Variants in LHFPL6 observed in about 807,000 individuals in gnomAD.
The protein encoded by LHFPL6 is LHFPL tetraspan subfamily member 6.
LHFPL6 carries 9 observed loss-of-function variants against 20.6 expected under a neutral mutation model. The observed-to-expected ratio is 0.44, with a 90% confidence interval of 0.26 to 0.76. The LOEUF is 0.76. LHFPL6 is among the 30% of genes least tolerant of loss of function. LHFPL6 has a pLI of 0.20. For synonymous variants in LHFPL6, 105 were observed against 98.7 expected, an observed-to-expected ratio of 1.06 and a Z score of -0.38; for missense variants, 218 against 253.5, an observed-to-expected ratio of 0.86 and a Z score of 0.95.
At chr13:39,443,079 TA>T (rs1307012392) in intron 2 of LHFPL6, among the ~76,000 whole-genome samples, 1 of 152,194 alleles carries the variant, frequency 6.6e-6, no homozygotes, top group Non-Finnish European at 1.5e-5. Flanking sequence ...GTGGGACCTT[TA>T]AAAAGTGATT....
intron 2 of LHFPL6, among the ~76,000 whole-genome samples, chr13:39,574,146 T>C (rs1011419716): frequency 2.0e-5 from 3 of 152,146 alleles, no homozygotes; most frequent in Non-Finnish European, 4.4e-5. Context: ...GGCTTTCACA[T>C]CTGTGAAACA....
intron 2 of LHFPL6, among the ~76,000 whole-genome samples, chr13:39,496,973 T>C (rs1171018915): frequency 6.6e-6 from 1 of 152,156 alleles, no homozygotes; most frequent in Non-Finnish European, 1.5e-5. Context: ...CATAACACTC[T>C]GCAATCAAAA....
Position 39,434,778 on chromosome 13 carries a change from T to C in LHFPL6, c.386-56252A>G, listed in dbSNP as rs375050210. 4.0e-3 allele frequency among the ~76,000 whole-genome samples: 611 copies of C among 152,228 alleles called. 8 individuals are homozygous for C. The highest frequency in any genetic ancestry group is 0.038 in the South Asian group (182 of 4,814). ...TCCTTGATAAAGAAGTAAATCAGGC[T>C]GGGCGCGGTGGCTCACGCCTGTAAT... is the stretch of plus-strand genomic sequence containing the variant. On this transcript the variant is annotated intron_variant, in intron 2 of 3. Coordinates refer to ENST00000379589, the MANE Select transcript of LHFPL6 (RefSeq NM_005780.3).
At position 39,397,122 on chromosome 13, in the gene LHFPL6, TG is replaced by T. The variant is rs559253099; in HGVS notation, c.386-18597del. Among the ~76,000 whole-genome samples the T allele has an allele frequency of 3.9e-5, 6 of 152,250 alleles. No individual in the cohort carries two copies. The South Asian group carries it at 1.2e-3, about 32-fold the overall frequency. On this transcript the variant is annotated intron_variant, in intron 2 of 3. Transcript: ENST00000379589. ...AAATATATTCTTCTCTCATTTAATTTGTTTTACCCTCTTAGGCAATAAGTTA... is the reference window on the plus strand; with the variant it reads ...AAATATATTCTTCTCTCATTTAATTTTTTTACCCTCTTAGGCAATAAGTTA...
At chr13:39,518,111 C>T (rs1332465510) in intron 2 of LHFPL6, among the ~76,000 whole-genome samples, 2 of 152,152 alleles carry the variant, frequency 1.3e-5, no homozygotes, top group Non-Finnish European at 2.9e-5. Context: ...CGATGGCTTC[C>T]CCTGCTTTCA....
intron 2 of LHFPL6, among the ~76,000 whole-genome samples, chr13:39,577,847 G>C (rs541119747): frequency 1.6e-4 from 24 of 151,710 alleles, no homozygotes; most frequent in African/African-American, 5.8e-4. Flanking sequence ...CACCATGTTG[G>C]CCAGGCTGGT....
chr13:39,579,075 T>C lies in LHFPL6; in HGVS notation c.385+21757A>G, dbSNP rs971319856. ...AATAAACAAGACCGGGGTGAATGGA[T>C]GGTAATATGTCCAGTAGTGCCTGGG... On this transcript the variant is annotated intron_variant, in intron 2 of 3. Coordinates refer to ENST00000379589, the MANE Select transcript of LHFPL6 (RefSeq NM_005780.3). 2.6e-5 allele frequency among the ~76,000 whole-genome samples: 4 copies of C among 152,158 alleles called. No homozygotes were observed. In the South Asian group the frequency reaches 8.3e-4, roughly 32 times the overall value.
chr13:39,585,142 A>C (rs1872408951), intron 2 of LHFPL6, among the ~76,000 whole-genome samples: 1 of 152,258 alleles, frequency 6.6e-6, no homozygotes, highest in Non-Finnish European at 1.5e-5. Flanking sequence ...ATCTCATCAT[A>C]AGATGGCATT....
At chr13:39,376,330 C>T (rs1870293540) in intron 3 of LHFPL6, among the ~76,000 whole-genome samples, 1 of 152,164 alleles carries the variant, frequency 6.6e-6, no homozygotes, top group South Asian at 2.1e-4. Context: ...TGGCAGTCAG[C>T]TTTGCATGCC....
intron 2 of LHFPL6, among the ~76,000 whole-genome samples, chr13:39,515,850 T>G (rs1474732081): frequency 6.6e-6 from 1 of 152,224 alleles, no homozygotes; most frequent in Middle Eastern, 3.4e-3. Context: ...AACTATTTGT[T>G]TTCATTAAAA....
intron 2 of LHFPL6, among the ~76,000 whole-genome samples, chr13:39,519,712 G>T (rs2138484143): frequency 6.6e-6 from 1 of 152,108 alleles, no homozygotes; most frequent in East Asian, 1.9e-4. Flanking sequence ...CTTTCTCTCT[G>T]ACCTTTAGGT....
At chr13:39,475,757 A>G (rs1873070294) in intron 2 of LHFPL6, among the ~76,000 whole-genome samples, 3 of 152,180 alleles carry the variant, frequency 2.0e-5, no homozygotes, top group Admixed American at 2.0e-4. Context: ...CAGTAACAGG[A>G]TGCCGTGATC....
chr13:39,376,955 C>T (rs1232907113), intron 3 of LHFPL6, among the ~76,000 whole-genome samples: 1 of 152,128 alleles, frequency 6.6e-6, no homozygotes, highest in Admixed American at 6.5e-5. Flanking sequence ...CCCTGCTGCT[C>T]TTCTCTCCTA....
intron 2 of LHFPL6, among the ~76,000 whole-genome samples, chr13:39,519,095 G>A (rs1870021614): frequency 6.6e-6 from 1 of 152,154 alleles, no homozygotes; most frequent in African/African-American, 2.4e-5. Flanking sequence ...AATTAGCAGG[G>A]CGTGGTGGTG....
intron 2 of LHFPL6, among the ~76,000 whole-genome samples, chr13:39,379,457 A>C (rs1870381785): frequency 6.6e-6 from 1 of 152,194 alleles, no homozygotes. Flanking sequence ...GTGGCTTATC[A>C]GGTGCTAAAT....
At chr13:39,446,264 C>CT (rs1872286867) in intron 2 of LHFPL6, among the ~76,000 whole-genome samples, 1 of 152,134 alleles carries the variant, frequency 6.6e-6, no homozygotes, top group Admixed American at 6.5e-5. Flanking sequence ...GCCTACTTAT[C>CT]TTTTGTGTAT....
chr13:39,595,924 G>A (rs1872756837), intron 2 of LHFPL6, among the ~76,000 whole-genome samples: 1 of 152,048 alleles, frequency 6.6e-6, no homozygotes, highest in South Asian at 2.1e-4. Context: ...GTACAGAGTT[G>A]GCCAAGGGAC....
intron 2 of LHFPL6, among the ~76,000 whole-genome samples, chr13:39,574,077 A>G (rs2138532908): frequency 6.6e-6 from 1 of 152,340 alleles, no homozygotes; most frequent in South Asian, 2.1e-4. Context: ...CACCTGATCC[A>G]TATTTGAATT....
chr13:39,376,446 T>A (rs147682360), intron 3 of LHFPL6, among the ~76,000 whole-genome samples: 3 of 152,118 alleles, frequency 2.0e-5, no homozygotes, highest in African/African-American at 4.8e-5. Flanking sequence ...TAAAAGGAAA[T>A]CTCTTATTTG....
Sources: gnomAD v4.1 joint callset for allele counts (sites outside exome capture counted in the v4.1 genomes callset) on GRCh38, gnomAD v4.1.1 for gene constraint, MANE v1.5 for transcripts, NCBI Gene and HGNC (gene_info 2026-07-23, HGNC 2026-07-21) for gene names.